The following ZNF205 variants were observed in gnomAD, a reference collection of about 807,000 sequenced individuals.
ZNF205 encodes the protein transcriptional repressor RHIT.
ZNF205 carries 32 observed loss-of-function variants against 53.6 expected under a neutral mutation model. The ratio of observed to expected loss-of-function variants is 0.60; its 90% CI spans 0.45 to 0.80. The LOEUF is 0.80. ZNF205 is among the 30% of genes least tolerant of loss of function. ZNF205 has a pLI of 0.00. For missense variants in ZNF205, 836 were observed against 782.4 expected, an observed-to-expected ratio of 1.07 and a Z score of -0.82; for synonymous variants, 382 against 334.3, an observed-to-expected ratio of 1.14 and a Z score of -1.56.
At chr16:3,117,090 G>A (rs1045042393) in intron 5 of ZNF205, among the ~76,000 whole-genome samples, 3 of 152,116 alleles carry the variant, frequency 2.0e-5, no homozygotes, top group African/African-American at 4.8e-5. Context: ...CACCGCGCCC[G>A]GCCAATTTTA....
chr16:3,118,944 A>T lies in ZNF205; in HGVS notation c.524A>T (p.His175Leu). ...FSRPFWAPQA[H>L]GKGEASGSSR... ...AGGCCTTTCTGGGCCCCTCAAGCGC[A>T]CGGCAAGGGTGAGGCCTCGGGCTCC... The change falls in exon 6 of 7, where the codon CAC (histidine) becomes CTC (leucine). Residue 175 changes from histidine (H) to leucine (L), a missense_variant. Physicochemically the swap from His to Leu is moderately conservative, Grantham distance 99. Coordinates refer to ENST00000219091, the MANE Select transcript of ZNF205 (RefSeq NM_001042428.2). 6.2e-7 allele frequency: 1 copy of T among 1,613,610 alleles called. No homozygotes were observed.
chr16:3,114,857 C>G (rs1267360180), intron 2 of ZNF205: 1 of 152,414 alleles, frequency 6.6e-6, no homozygotes, highest in Non-Finnish European at 1.5e-5. Context: ...GTCTCTGCTT[C>G]CTTCTCTGTG....
intron 5 of ZNF205, among the ~76,000 whole-genome samples, chr16:3,117,540 T>TG (rs1254047534): frequency 8.2e-5 from 12 of 146,796 alleles, no homozygotes; most frequent in Non-Finnish European, 3.0e-5. Flanking sequence ...CTCGACTTCC[T>TG]GGGTTCAAGT....
chr16:3,115,127 G>T (rs1957322447), intron 2 of ZNF205: 4 of 368,398 alleles, frequency 1.1e-5, no homozygotes, highest in Non-Finnish European at 1.9e-5. Flanking sequence ...GAGCTGAGAA[G>T]GGGTAGCTGC....
In ZNF205 at chr16:3,113,170, C is replaced by T. The variant is rs1957291706; in HGVS notation, c.-14-247C>T. Among the ~76,000 whole-genome samples, 4 of 152,300 alleles carry T rather than the reference C, an allele frequency of 2.6e-5. No individual in the cohort carries two copies. In the South Asian group the frequency reaches 6.2e-4, roughly 24 times the overall value. ...TGCTTCAGCAATAAAGGGGACAATA[C>T]AAAATAGCATTCTTTCAAAAATAGG... is the stretch of plus-strand genomic sequence containing the variant. On this transcript the variant is annotated intron_variant, in intron 1 of 6. Coordinates refer to ENST00000219091, the MANE Select transcript of ZNF205 (RefSeq NM_001042428.2).
At chr16:3,118,690 C>A (rs866436547) in intron 5 of ZNF205, among the ~76,000 whole-genome samples, 2 of 152,180 alleles carry the variant, frequency 1.3e-5, no homozygotes, top group Non-Finnish European at 2.9e-5. Context: ...CTCCGTTGCT[C>A]TTTCAGGGAA....
Position 3,116,131 on chromosome 16 carries a change from G to T in ZNF205, c.363+211G>T, listed in dbSNP as rs925896947. ...AAGCAGCAGGAATTAGAGACACAGG[G>T]CCTCTCGCTGGTAGCCGTTGGGAAC... On this transcript the variant is annotated intron_variant, in intron 4 of 6. Transcript: ENST00000219091. 5.2e-5 allele frequency: 35 copies of T among 678,746 alleles called. No individual in the cohort carries two copies. The African/African-American group carries it at 6.0e-4, about 12-fold the overall frequency. The allele number at this position is 678,746 out of a possible 1,614,324, so 42.0% of individuals were successfully genotyped here. A position where few individuals can be genotyped will look rare whatever the true frequency, so the allele number is the denominator to read the frequency against.
Position 3,112,632 on chromosome 16 carries a change from C to A in ZNF205, c.-65C>A. 1.3e-5 allele frequency: 4 copies of A among 298,194 alleles called. No homozygotes were observed. The highest frequency in any genetic ancestry group is 4.1e-5 in the Admixed American group (1 of 24,122). 18.5% of individuals were successfully genotyped at this position (298,194 alleles called of 1,614,324 possible). ...CGTGCAGGCTGTGGAGACTCCCTTCCCGGGGGAGGGGGCCCCCACTGCCGC... is the reference window on the plus strand; with the variant it reads ...CGTGCAGGCTGTGGAGACTCCCTTCACGGGGGAGGGGGCCCCCACTGCCGC... On this transcript the variant is annotated 5_prime_UTR_variant, in exon 1 of 7. Transcript: ENST00000219091.
chr16:3,113,789 C>T (rs1957303325), intron 2 of ZNF205, among the ~76,000 whole-genome samples: 1 of 152,170 alleles, frequency 6.6e-6, no homozygotes, highest in African/African-American at 2.4e-5. Flanking sequence ...TTCTCCTTCC[C>T]CGTGCTTCTC....
Position 3,119,460 on chromosome 16 carries a change from A to G in ZNF205, c.800A>G (p.Asp267Gly), listed in dbSNP as rs1030613945. 1.8e-5 allele frequency: 28 copies of G among 1,590,512 alleles called. No individual in the cohort carries two copies. The highest frequency in any genetic ancestry group is 2.3e-5 in the Non-Finnish European group (27 of 1,169,656). ...CGCACCCCGGATGCAGCTCCGCCAG[A>G]CCCCAGTCCCACGGAGCCCCAGGAG... ...PDRTPDAAPP[D>G]PSPTEPQEYR... Residue 267 changes from aspartate (D) to glycine (G), a missense_variant, in exon 7 of 7, where the codon GAC (aspartate) becomes GGC (glycine). By Grantham distance (94) the Asp-to-Gly change is moderately conservative (BLOSUM62 -1). Coordinates refer to ENST00000219091, the MANE Select transcript of ZNF205 (RefSeq NM_001042428.2).
Position 3,119,652 on chromosome 16 carries a change from C to T in ZNF205, c.992C>T (p.Thr331Met), listed in dbSNP as rs774670192. 3.1e-6 allele frequency: 5 copies of T among 1,612,588 alleles called. No homozygotes were observed. Among genetic ancestry groups the T allele is most frequent in the African/African-American group, 1.3e-5 (1 of 75,006 alleles). The change falls in exon 7 of 7, where the codon ACG becomes ATG. Residue 331 changes from threonine to methionine, a missense_variant. By Grantham distance (81) the Thr-to-Met change is moderately conservative. Coordinates refer to ENST00000219091, the MANE Select transcript of ZNF205 (RefSeq NM_001042428.2). Reference sequence around the variant, plus strand: ...CTGGTGACGCACCGGCGCACGCACACGGGCGAGAAGCCCTACGCCTGCACT... The same window carrying T: ...CTGGTGACGCACCGGCGCACGCACATGGGCGAGAAGCCCTACGCCTGCACT... The part of the protein sequence containing the change: ...SHLVTHRRTH[T>M]GEKPYACTDC...
At chr16:3,119,038 T>G in intron 6 of ZNF205, 23 bp downstream of exon 6, 1 of 1,608,630 alleles carries the variant, frequency 6.2e-7, no homozygotes, top group South Asian at 1.1e-5. Context: ...CGCGCGCCTT[T>G]GTCTGCGGGA....
At chr16:3,116,662 C>T in intron 5 of ZNF205, 115 bp downstream of exon 5, 1 of 1,406,082 alleles carries the variant, frequency 7.1e-7, no homozygotes, top group Non-Finnish European at 9.5e-7. Context: ...TCCCTTGAGA[C>T]AGCACTGTTC....
chr16:3,113,639 C>G, intron 2 of ZNF205, 152 bp downstream of exon 2: 2 of 796,870 alleles, frequency 2.5e-6, no homozygotes, highest in South Asian at 4.0e-5. Context: ...TACCCTCTGT[C>G]TGGAATTTAC....
In ZNF205 at chr16:3,119,440, C is replaced by T. The variant is rs1220815982; in HGVS notation, c.780C>T (p.Thr260=). 2 of 1,595,276 alleles carry T rather than the reference C, an allele frequency of 1.3e-6. No homozygotes were observed. The highest frequency in any genetic ancestry group is 1.7e-5 in the Admixed American group (1 of 57,556). ...GGCAGCCGGCTGAGCCAGATCGCACCCCGGATGCAGCTCCGCCAGACCCCA... is the reference window on the plus strand; with the variant it reads ...GGCAGCCGGCTGAGCCAGATCGCACTCCGGATGCAGCTCCGCCAGACCCCA... The part of the protein sequence containing the change: ...DSGQPAEPDR[T]PDAAPPDPSP... The change falls in exon 7 of 7, where the codon ACC becomes ACT. Residue 260 remains threonine, a synonymous_variant. Coordinates refer to ENST00000219091, the MANE Select transcript of ZNF205 (RefSeq NM_001042428.2).
At chr16:3,113,546 T>A in intron 2 of ZNF205, 59 bp downstream of exon 2, 1 of 1,585,834 alleles carries the variant, frequency 6.3e-7, no homozygotes, top group South Asian at 1.1e-5. Flanking sequence ...CGGAGGAGAT[T>A]TTCAAGGCAC....
At chr16:3,116,255 C>A in intron 4 of ZNF205, 172 bp from the exon 5 acceptor site, 1 of 888,074 alleles carries the variant, frequency 1.1e-6, no homozygotes, top group Non-Finnish European at 1.7e-6. Flanking sequence ...TCTTTCTCAA[C>A]TCCCCAGAAG....
rs1957341631 is a variant in ZNF205, at chr16:3,116,058, T to G, written c.363+138T>G. On this transcript the variant is annotated intron_variant, in intron 4 of 6. Coordinates refer to ENST00000219091, the MANE Select transcript of ZNF205 (RefSeq NM_001042428.2). ...GGGCTCTTGCTAGTGTTGCTGGAAT[T>G]GTCCAGGCTCAAGGCCCATGGTCAG... 3.6e-5 allele frequency: 36 copies of G among 1,011,114 alleles called. No individual in the cohort carries two copies. In the South Asian group the frequency reaches 5.1e-4, roughly 14 times the overall value. The allele number at this position is 1,011,114 out of a possible 1,614,324, so 62.6% of individuals were successfully genotyped here.
chr16:3,118,505 C>T (rs755987166), intron 5 of ZNF205, among the ~76,000 whole-genome samples: 3 of 152,116 alleles, frequency 2.0e-5, no homozygotes, highest in African/African-American at 7.2e-5. Flanking sequence ...TGGGGCCACA[C>T]CCCCCCAAGA....
Sources: allele counts gnomAD v4.1 joint callset (sites outside exome capture counted in the v4.1 genomes callset), GRCh38; gene constraint gnomAD v4.1.1; transcripts MANE v1.5; gene names NCBI Gene and HGNC (gene_info 2026-07-23, HGNC 2026-07-21).